Variants in TOPBP1 observed in about 807,000 individuals in gnomAD.
The protein encoded by TOPBP1 is DNA topoisomerase 2-binding protein 1.
TOPBP1 carries 28 observed loss-of-function variants against 167.7 expected under a neutral mutation model. That is an observed-to-expected ratio of 0.17 (90% CI 0.12 to 0.23). The LOEUF is 0.23. Among genes scored for constraint, TOPBP1 ranks in the 10% least tolerant of loss-of-function variants. TOPBP1 has a pLI of 1.00. For synonymous variants in TOPBP1, 598 were observed against 611.4 expected, an observed-to-expected ratio of 0.98 and a Z score of 0.32; for missense variants, 1,554 against 1,809.6, an observed-to-expected ratio of 0.86 and a Z score of 2.56.
intron 27 of TOPBP1, among the ~76,000 whole-genome samples, chr3:133,602,917 CAG>C (rs1376622543): frequency 2.4e-5 from 3 of 126,728 alleles, no homozygotes; most frequent in Non-Finnish European, 3.2e-5. Flanking sequence ...TTTTTTGAGA[CAG>C]AGTTTCGCTC....
At chr3:133,651,663 A>G (rs1559831431) in intron 8 of TOPBP1, among the ~76,000 whole-genome samples, 1 of 152,206 alleles carries the variant, frequency 6.6e-6, no homozygotes, top group Non-Finnish European at 1.5e-5. Flanking sequence ...AGTTATTCAT[A>G]TACTAAAAAA....
Position 133,616,304 on chromosome 3 carries a change from TAG to T in TOPBP1, c.3871+508_3871+509del, listed in dbSNP as rs775094552. Reference sequence around the variant, plus strand: ...CTCGCAAATTTTTTTGTATTTTTAGTAGAGACAGGGTTTCACCATGTTGGCCA... The same window carrying T: ...CTCGCAAATTTTTTTGTATTTTTAGTAGACAGGGTTTCACCATGTTGGCCA... On this transcript the variant is annotated intron_variant, in intron 23 of 27. Coordinates refer to ENST00000260810, the MANE Select transcript of TOPBP1 (RefSeq NM_007027.4). Among the ~76,000 whole-genome samples the T allele has an allele frequency of 4.6e-5, 7 of 152,136 alleles. 1 individual carries two copies. The highest frequency in any genetic ancestry group is 6.6e-5 in the Admixed American group (1 of 15,264).
At chr3:133,604,058 AAAC>A (rs1473436108) in intron 27 of TOPBP1, among the ~76,000 whole-genome samples, 2 of 151,968 alleles carry the variant, frequency 1.3e-5, no homozygotes, top group Non-Finnish European at 2.9e-5. Context: ...TTTAGGAACT[AAAC>A]AACAGACTCC....
chr3:133,639,739 C>T (rs749126818), intron 13 of TOPBP1, among the ~76,000 whole-genome samples: 5 of 152,134 alleles, frequency 3.3e-5, no homozygotes, highest in Admixed American at 1.3e-4. Flanking sequence ...GGAGAGATAG[C>T]ATGTTAATTA....
At chr3:133,660,757 A>G (rs967319976) in intron 2 of TOPBP1, among the ~76,000 whole-genome samples, 13 of 152,238 alleles carry the variant, frequency 8.5e-5, no homozygotes, top group African/African-American at 3.1e-4. Flanking sequence ...ACAGCACGCA[A>G]AGGACCACTC....
chr3:133,613,659 T>A (rs1407603891), intron 23 of TOPBP1, among the ~76,000 whole-genome samples: 2 of 152,154 alleles, frequency 1.3e-5, no homozygotes, highest in Non-Finnish European at 2.9e-5. Flanking sequence ...TATAAATGCA[T>A]GAAGCCTGAC....
At chr3:133,603,410 A>C (rs1367940426) in intron 27 of TOPBP1, among the ~76,000 whole-genome samples, 2 of 152,204 alleles carry the variant, frequency 1.3e-5, no homozygotes, top group Admixed American at 1.3e-4. Context: ...CAATAATTAC[A>C]TGATGGACTA....
chr3:133,645,134 T>G (rs372885303), intron 10 of TOPBP1, among the ~76,000 whole-genome samples: 3 of 152,200 alleles, frequency 2.0e-5, no homozygotes, highest in South Asian at 2.1e-4. Flanking sequence ...CGTACTTCTA[T>G]CCTCATCTCC....
chr3:133,642,743 T>G (rs1935935931), intron 12 of TOPBP1, among the ~76,000 whole-genome samples: 1 of 152,224 alleles, frequency 6.6e-6, no homozygotes, highest in Non-Finnish European at 1.5e-5. Flanking sequence ...TTTATTTATT[T>G]GTTTGTTGAA....
chr3:133,644,096 G>A lies in TOPBP1; in HGVS notation c.1772C>T (p.Ala591Val), dbSNP rs774702840. ...KIMSLLSRTV[A>V]DYAVVPLLGC... ...CAGCAGAGGAACCACAGCATAATCCGCAACAGTTCTGCTCAGAAGGGACAT... is the reference window on the plus strand; with the variant it reads ...CAGCAGAGGAACCACAGCATAATCCACAACAGTTCTGCTCAGAAGGGACAT... Residue 591 changes from alanine (A) to valine (V), a missense_variant, in exon 11 of 28, where the codon GCG (alanine) becomes GTG (valine). Ala to Val is a moderately conservative substitution (Grantham distance 64). Transcript: ENST00000260810. 13 of 1,613,706 alleles carry A rather than the reference G, an allele frequency of 8.1e-6. No homozygotes were observed. Among genetic ancestry groups the A allele is most frequent in the Admixed American group, 6.7e-5 (4 of 59,976 alleles).
intron 27 of TOPBP1, among the ~76,000 whole-genome samples, chr3:133,607,469 G>A (rs1328508725): frequency 2.6e-5 from 4 of 151,532 alleles, no homozygotes; most frequent in East Asian, 1.9e-4. Context: ...TAAATATTTC[G>A]TTTTTTAAGA....
At position 133,638,003 on chromosome 3, in the gene TOPBP1, T is replaced by C; in HGVS notation, c.2393A>G (p.His798Arg). ...TGGGGAGGCTGCGACCTGTCTGGCA[T>C]GTTGTGAGACCACAGCACGGAAAGC... ...SKAFRAVVSQ[H>R]ARQVAASPAV... The change falls in exon 14 of 28, where the codon CAT (histidine) becomes CGT (arginine). Residue 798 changes from histidine to arginine, a missense_variant. His to Arg is a conservative substitution (Grantham distance 29, BLOSUM62 0). Transcript: ENST00000260810. 3 of 1,614,006 alleles carry C rather than the reference T, an allele frequency of 1.9e-6. 1 individual carries two copies. Among genetic ancestry groups the C allele is most frequent in the South Asian group, 2.2e-5 (2 of 91,084 alleles).
chr3:133,656,616 CA>C, intron 5 of TOPBP1, 59 bp downstream of exon 5: 4 of 1,498,050 alleles, frequency 2.7e-6, no homozygotes, highest in Non-Finnish European at 3.6e-6. Flanking sequence ...TATCACATGC[CA>C]AAAATGATTG....
At chr3:133,644,430 A>G (rs1456572292) in intron 10 of TOPBP1, 67 bp from the exon 11 acceptor site, 2 of 1,336,116 alleles carry the variant, frequency 1.5e-6, no homozygotes, top group East Asian at 2.5e-5. Flanking sequence ...CCTAGCAAGG[A>G]TATTAACGTA....
chr3:133,606,613 A>T (rs942040980), intron 27 of TOPBP1, among the ~76,000 whole-genome samples: 1 of 151,800 alleles, frequency 6.6e-6, no homozygotes, highest in East Asian at 1.9e-4. Flanking sequence ...TTGTAGTCTT[A>T]ATACTAGCTT....
chr3:133,601,840 CTTAA>C (rs1251075388), intron 27 of TOPBP1, among the ~76,000 whole-genome samples: 3 of 152,116 alleles, frequency 2.0e-5, no homozygotes, highest in African/African-American at 7.2e-5. Flanking sequence ...TGTAATAAAA[CTTAA>C]TTTTCTAGCA....
chr3:133,655,208 A>G (rs1936439501), intron 6 of TOPBP1, 82 bp downstream of exon 6: 1 of 815,002 alleles, frequency 1.2e-6, no homozygotes, highest in Non-Finnish European at 1.6e-6. Flanking sequence ...CTGTCTCAAA[A>G]TAAATAAATA....
At chr3:133,620,878 T>G (rs1483984969) in intron 19 of TOPBP1, among the ~76,000 whole-genome samples, 5 of 151,694 alleles carry the variant, frequency 3.3e-5, no homozygotes, top group Non-Finnish European at 7.4e-5. Context: ...CCTGGCCCCC[T>G]TCAAAGACAT....
At chr3:133,622,461 G>A (rs538952518) in intron 19 of TOPBP1, among the ~76,000 whole-genome samples, 1 of 151,610 alleles carries the variant, frequency 6.6e-6, no homozygotes, top group South Asian at 2.1e-4. Flanking sequence ...CCAAAGTGCT[G>A]GGATTACAGA....
Sources: allele counts gnomAD v4.1 joint callset (sites outside exome capture counted in the v4.1 genomes callset), GRCh38; gene constraint gnomAD v4.1.1; transcripts MANE v1.5; gene names NCBI Gene and HGNC (gene_info 2026-07-23, HGNC 2026-07-21).